PRMT8: variants seen among roughly 807,000 people sequenced by gnomAD.
PRMT8 encodes the protein protein arginine methyltransferase 8, also known as protein arginine N-methyltransferase 8.
PRMT8 carries 7 observed loss-of-function variants against 47.1 expected under a neutral mutation model. The ratio of observed to expected loss-of-function variants is 0.15; its 90% CI spans 0.08 to 0.28. The LOEUF (loss-of-function observed/expected upper bound fraction) is 0.28. Ranked by LOEUF, PRMT8 falls within the 10% of genes least tolerant of loss-of-function variation. The pLI is 1.00. For missense variants in PRMT8, 237 were observed against 505.4 expected (o/e 0.47, Z 5.09); for synonymous variants, 188 against 186.5 (o/e 1.01, Z -0.07).
At chr12:3,388,656 A>G (rs1207009217) in intron 1 of PRMT8, among the ~76,000 whole-genome samples, 1 of 152,084 alleles carries the variant, frequency 6.6e-6, no homozygotes, top group African/African-American at 2.4e-5. Context: ...AGATGAAGAA[A>G]CTTGCTCAAT....
intron 1 of PRMT8, among the ~76,000 whole-genome samples, chr12:3,383,596 A>G (rs755862070): frequency 2.6e-5 from 4 of 152,230 alleles, no homozygotes; most frequent in African/African-American, 7.2e-5. Context: ...TGGACACAGT[A>G]AAAAGCTGCC....
chr12:3,434,222 A>C (rs1201626792), intron 1 of PRMT8, among the ~76,000 whole-genome samples: 1 of 152,194 alleles, frequency 6.6e-6, no homozygotes. Context: ...GGGGTAAGGT[A>C]GCCCAGACAG....
chr12:3,568,623 G>A, intron 4 of PRMT8, 83 bp from the exon 5 acceptor site: 6 of 1,512,594 alleles, frequency 4.0e-6, no homozygotes, highest in Non-Finnish European at 5.5e-6. Flanking sequence ...GCTGAAACCT[G>A]GAGATCTGGC....
chr12:3,414,670 G>A (rs1322708613), intron 1 of PRMT8, among the ~76,000 whole-genome samples: 1 of 152,040 alleles, frequency 6.6e-6, no homozygotes, highest in East Asian at 1.9e-4. Context: ...AGATTGAAGG[G>A]CAGTGTATGC....
intron 1 of PRMT8, among the ~76,000 whole-genome samples, chr12:3,388,899 C>G (rs1416598736): frequency 6.6e-6 from 1 of 152,194 alleles, no homozygotes; most frequent in African/African-American, 2.4e-5. Context: ...AAGCCTGATG[C>G]GTGTCAGTCA....
intron 1 of PRMT8, among the ~76,000 whole-genome samples, chr12:3,474,775 G>A (rs1257597032): frequency 6.6e-6 from 1 of 151,998 alleles, no homozygotes; most frequent in Non-Finnish European, 1.5e-5. Context: ...TCCCTCTCAT[G>A]TGCTCTTCCC....
intron 1 of PRMT8, among the ~76,000 whole-genome samples, chr12:3,518,397 C>CTTTT (rs58146853): frequency 8.4e-5 from 12 of 142,530 alleles, no homozygotes; most frequent in African/African-American, 3.1e-4. Context: ...GTTAGGAATT[C>CTTTT]TTTTTTTTTT....
At chr12:3,522,777 G>GAAAACAAACAAACAA (rs1004569299) in intron 1 of PRMT8, among the ~76,000 whole-genome samples, 1 of 148,944 alleles carries the variant, frequency 6.7e-6, no homozygotes, top group East Asian at 1.9e-4. Flanking sequence ...CAAAAAACTG[G>GAAAACAAACAAACAA]AAAACAAACA....
At chr12:3,558,462 C>T (rs1207638596) in intron 4 of PRMT8, among the ~76,000 whole-genome samples, 1 of 152,150 alleles carries the variant, frequency 6.6e-6, no homozygotes, top group Admixed American at 6.5e-5. Context: ...GAAATTAAAA[C>T]GTCATCATTA....
chr12:3,507,001 T>C (rs984569539), intron 1 of PRMT8, among the ~76,000 whole-genome samples: 2 of 152,204 alleles, frequency 1.3e-5, no homozygotes, highest in Non-Finnish European at 2.9e-5. Flanking sequence ...TAAGGCCAAA[T>C]TGGGCTAATG....
rs975221339 is a variant in PRMT8, at chr12:3,514,656, C to T, written c.75+22956C>T. On this transcript the variant is annotated intron_variant, in intron 1 of 9. Transcript: ENST00000382622. The surrounding 1 kb of genome is among the most constrained non-coding windows in gnomAD (Gnocchi z 5.9). ...GGTTTCCTTGCAAAGCTGACCTTTC[C>T]GGCTGGGTTCTGCCTGTGGGCGACA... Among the ~76,000 whole-genome samples the T allele has an allele frequency of 4.1e-5, 6 of 146,006 alleles. No individual in the cohort carries two copies. The highest frequency in any genetic ancestry group is 2.2e-4 in the East Asian group (1 of 4,516).
At chr12:3,524,002 G>A (rs1299593715) in intron 1 of PRMT8, among the ~76,000 whole-genome samples, 1 of 152,226 alleles carries the variant, frequency 6.6e-6, no homozygotes, top group Non-Finnish European at 1.5e-5. Context: ...CTAATGTCTG[G>A]TGGTACTGTG....
At chr12:3,488,045 G>A (rs1444560635), upstream of PRMT8, among the ~76,000 whole-genome samples, 1 of 152,158 alleles carries the variant, frequency 6.6e-6, no homozygotes. Context: ...ACTTCTTGAG[G>A]TTTATGCTAT....
Position 3,589,774 on chromosome 12 carries a change from G to A in PRMT8, c.980-2457G>A, listed in dbSNP as rs149474557. On this transcript the variant is annotated intron_variant, in intron 8 of 9. Coordinates refer to ENST00000382622, the MANE Select transcript of PRMT8 (RefSeq NM_019854.5). ...CAACTCAAAGTCGGCATGTTTTGGG[G>A]ACTACCATCAGAGGCAGACCCCATG... Among the ~76,000 whole-genome samples the A allele has an allele frequency of 2.1e-3, 319 of 152,296 alleles. 1 individual carries two copies. The highest frequency in any genetic ancestry group is 7.5e-3 in the African/African-American group (311 of 41,574).
rs116622009 is a variant in PRMT8, at chr12:3,588,203, T to C, written c.980-4028T>C. 7.1e-3 allele frequency among the ~76,000 whole-genome samples: 1,087 copies of C among 152,358 alleles called. 14 individuals are homozygous for C. The highest frequency in any genetic ancestry group is 0.024 in the African/African-American group (1,009 of 41,584). ...GGGCTCAGGCAGCTCCTTTCTGCCA[T>C]TGACATCCTGTGACATTGAGTCATT... On this transcript the variant is annotated intron_variant, in intron 8 of 9. Coordinates refer to ENST00000382622, the MANE Select transcript of PRMT8 (RefSeq NM_019854.5).
chr12:3,412,834 C>T (rs1010630181), intron 1 of PRMT8, among the ~76,000 whole-genome samples: 9 of 152,224 alleles, frequency 5.9e-5, no homozygotes, highest in Admixed American at 4.6e-4. Flanking sequence ...AGGCTGGTCT[C>T]GAACTCCTGA....
chr12:3,408,621 G>A (rs549460393), intron 1 of PRMT8, among the ~76,000 whole-genome samples: 2 of 152,132 alleles, frequency 1.3e-5, no homozygotes, highest in Non-Finnish European at 2.9e-5. Flanking sequence ...CTTTGATGGT[G>A]TCATTTATTT....
chr12:3,391,483 A>G (rs1295073854), intron 1 of PRMT8, among the ~76,000 whole-genome samples: 3 of 152,194 alleles, frequency 2.0e-5, no homozygotes, highest in Admixed American at 6.5e-5. Context: ...TGGGACGAGC[A>G]GTGGGGAGGT....
intron 1 of PRMT8, among the ~76,000 whole-genome samples, chr12:3,467,388 A>C (rs1865111690): frequency 6.6e-6 from 1 of 152,148 alleles, no homozygotes; most frequent in Admixed American, 6.5e-5. Context: ...GAGCAGTCTG[A>C]GAAGAGACTT....
Sources: gnomAD v4.1 joint callset for allele counts (sites outside exome capture counted in the v4.1 genomes callset) on GRCh38, gnomAD v4.1.1 for gene constraint, Gnocchi (gnomAD v3.1) non-coding constraint, MANE v1.5 for transcripts, NCBI Gene and HGNC (gene_info 2026-07-23, HGNC 2026-07-21) for gene names.